SGCZ: variants seen among roughly 807,000 people sequenced by gnomAD.
SGCZ encodes zeta-sarcoglycan.
In SGCZ, 40 loss-of-function variants were observed where a neutral mutation model predicts 41.3. That is an observed-to-expected ratio of 0.97 (90% confidence interval 0.75 to 1.26). The LOEUF (loss-of-function observed/expected upper bound fraction) is 1.26, where lower values mean the gene tolerates loss of function less well. Among genes scored for constraint, SGCZ ranks in the 50% most tolerant of loss-of-function variants. The pLI, the probability that SGCZ is intolerant of heterozygous loss-of-function variation, is 0.00. For missense variants in SGCZ, 552 were observed against 369.8 expected (o/e 1.49, Z -4.04); for synonymous variants, 206 against 137.5 (o/e 1.50, Z -3.49).
At chr8:14,995,331 G>A (rs545355550) in intron 1 of SGCZ, among the ~76,000 whole-genome samples, 8 of 152,308 alleles carry the variant, frequency 5.3e-5, no homozygotes, top group South Asian at 2.1e-4. Flanking sequence ...CAAAGATGAC[G>A]GTGGAAAAGA....
intron 1 of SGCZ, among the ~76,000 whole-genome samples, chr8:15,063,505 C>T (rs1324395560): frequency 1.3e-5 from 2 of 152,150 alleles, no homozygotes; most frequent in Non-Finnish European, 2.9e-5. Context: ...AGTTTTATTA[C>T]AGTGAAAGGA....
chr8:14,879,587 G>GAC (rs1804501430), intron 1 of SGCZ, among the ~76,000 whole-genome samples: 2 of 104,558 alleles, frequency 1.9e-5, no homozygotes, highest in Admixed American at 1.9e-4. Context: ...CACACACACA[G>GAC]ACACACAGAC....
At chr8:15,069,813 C>T (rs1805286946) in intron 1 of SGCZ, among the ~76,000 whole-genome samples, 1 of 152,110 alleles carries the variant, frequency 6.6e-6, no homozygotes, top group South Asian at 2.1e-4. Flanking sequence ...AAATGCAATA[C>T]ATCTTTGACT....
intron 1 of SGCZ, among the ~76,000 whole-genome samples, chr8:14,714,846 G>T (rs1809636229): frequency 6.6e-6 from 1 of 152,014 alleles, no homozygotes; most frequent in South Asian, 2.1e-4. Context: ...GTCAGATATT[G>T]GAAAACTTAC....
chr8:14,817,294 G>C (rs765754209), intron 1 of SGCZ, among the ~76,000 whole-genome samples: 2 of 152,070 alleles, frequency 1.3e-5, no homozygotes, highest in African/African-American at 4.8e-5. Context: ...TTGTCTTACA[G>C]GGAAAAGGTA....
At chr8:14,934,039 A>C (rs952565037) in intron 1 of SGCZ, among the ~76,000 whole-genome samples, 3 of 152,022 alleles carry the variant, frequency 2.0e-5, no homozygotes, top group African/African-American at 7.3e-5. Flanking sequence ...ATTTTCCCTA[A>C]AAAATAGCCA....
chr8:14,121,806 G>A (rs1802704803), intron 5 of SGCZ, among the ~76,000 whole-genome samples: 1 of 152,042 alleles, frequency 6.6e-6, no homozygotes, highest in East Asian at 1.9e-4. Context: ...TAATTTTTTT[G>A]AAATCTTAAT....
chr8:14,234,908 C>A (rs1340467227), intron 4 of SGCZ, among the ~76,000 whole-genome samples: 1 of 152,120 alleles, frequency 6.6e-6, no homozygotes, highest in Non-Finnish European at 1.5e-5. Context: ...CATAATTCAA[C>A]CTTATCTAAT....
At chr8:14,806,424 A>G (rs1055168294) in intron 1 of SGCZ, among the ~76,000 whole-genome samples, 18 of 151,640 alleles carry the variant, frequency 1.2e-4, no homozygotes, top group African/African-American at 4.4e-4. Flanking sequence ...ACAGAAATAC[A>G]AACTACCATC....
chr8:14,538,815 G>C (rs1803372692), intron 2 of SGCZ, among the ~76,000 whole-genome samples: 1 of 151,822 alleles, frequency 6.6e-6, no homozygotes, highest in Admixed American at 6.6e-5. Flanking sequence ...AGGCAATGAA[G>C]AGTCTTACAT....
intron 1 of SGCZ, among the ~76,000 whole-genome samples, chr8:14,849,289 T>C (rs1001245716): frequency 6.6e-5 from 10 of 152,078 alleles, no homozygotes; most frequent in African/African-American, 1.9e-4. Flanking sequence ...ACTTAAAGAC[T>C]GTATACAGCA....
At chr8:14,293,192 A>G (rs1800896087) in intron 3 of SGCZ, among the ~76,000 whole-genome samples, 1 of 152,058 alleles carries the variant, frequency 6.6e-6, no homozygotes, top group Non-Finnish European at 1.5e-5. Flanking sequence ...ATAAATCACA[A>G]TTTAGCAACA....
chr8:15,085,903 A>G (rs1805931781), intron 1 of SGCZ, among the ~76,000 whole-genome samples: 1 of 152,154 alleles, frequency 6.6e-6, no homozygotes, highest in South Asian at 2.1e-4. Flanking sequence ...TGTTGGGTAC[A>G]AAAACCATGA....
At chr8:14,128,979 A>G (rs560651686) in intron 5 of SGCZ, among the ~76,000 whole-genome samples, 2 of 152,250 alleles carry the variant, frequency 1.3e-5, no homozygotes, top group Admixed American at 1.3e-4. Flanking sequence ...TATTTGGTAC[A>G]GTGTACACTT....
chr8:14,962,911 T>C (rs1409631530), intron 1 of SGCZ, among the ~76,000 whole-genome samples: 1 of 152,140 alleles, frequency 6.6e-6, no homozygotes, highest in Non-Finnish European at 1.5e-5. Flanking sequence ...AAAATCCATA[T>C]TAAATGTCAC....
chr8:14,931,427 C>A (rs1799920010), intron 1 of SGCZ, among the ~76,000 whole-genome samples: 1 of 151,822 alleles, frequency 6.6e-6, no homozygotes, highest in East Asian at 1.9e-4. Context: ...TACATTGCAC[C>A]TTGGATATAT....
intron 1 of SGCZ, among the ~76,000 whole-genome samples, chr8:15,015,147 G>A (rs1368670724): frequency 1.3e-5 from 2 of 152,090 alleles, no homozygotes; most frequent in Non-Finnish European, 1.5e-5. Flanking sequence ...GGAGGCTGAG[G>A]TGGAAGGATT....
chr8:15,033,438 T>C (rs182430351), intron 1 of SGCZ, among the ~76,000 whole-genome samples: 1 of 150,790 alleles, frequency 6.6e-6, no homozygotes, highest in African/African-American at 2.4e-5. Flanking sequence ...CCAGAACCAG[T>C]CTGGCCCCAG....
In SGCZ at chr8:14,272,128, T is replaced by C. The variant is rs12114382; in HGVS notation, c.337-34449A>G. ...AAGCGATTCTCCTGCCTCAGCCTCC[T>C]GAGTAGCTGGGACTACAGGTGCCTG... On this transcript the variant is annotated intron_variant, in intron 3 of 7. Transcript: ENST00000382080. Among the ~76,000 whole-genome samples, 1,116 of 152,208 alleles carry C rather than the reference T, an allele frequency of 7.3e-3. 9 individuals carry two copies. Among genetic ancestry groups the C allele is most frequent in the South Asian group, 0.019 (93 of 4,818 alleles).
Sources: gnomAD v4.1 joint callset for allele counts (sites outside exome capture counted in the v4.1 genomes callset) on GRCh38, gnomAD v4.1.1 for gene constraint, MANE v1.5 for transcripts, NCBI Gene and HGNC (gene_info 2026-07-23, HGNC 2026-07-21) for gene names.